TPCN2: variants seen among roughly 807,000 people sequenced by gnomAD.
TPCN2 encodes two pore channel protein 2.
A neutral mutation model predicts 111.4 loss-of-function variants in TPCN2; 92 were observed. That is an observed-to-expected ratio of 0.83 (90% confidence interval 0.70 to 0.98). TPCN2 has a LOEUF of 0.98. Among genes scored for constraint, TPCN2 ranks in the 50% least tolerant of loss-of-function variants. TPCN2 has a pLI of 0.00. For synonymous variants in TPCN2, 405 were observed against 414.5 expected (o/e 0.98, Z 0.28); for missense variants, 995 against 980.1 (o/e 1.02, Z -0.20).
In TPCN2 at chr11:69,078,742, G is replaced by A. The variant is rs771772383; in HGVS notation, c.1359G>A (p.Leu453=). 2.5e-6 allele frequency: 4 copies of A among 1,613,964 alleles called. No individual in the cohort carries two copies. The highest frequency in any genetic ancestry group is 3.4e-6 in the Non-Finnish European group (4 of 1,180,032). Residue 453 remains leucine (L), a synonymous_variant, in exon 15 of 25, where the codon CTG becomes CTA. Transcript: ENST00000294309. ...CTGTTCTGGCGTTGCAGGTGTTCCTGGTGCTGGATGCAGATGTGCTGCCTG... is the reference window on the plus strand; with the variant it reads ...CTGTTCTGGCGTTGCAGGTGTTCCTAGTGCTGGATGCAGATGTGCTGCCTG... ...LANLVSICVF[L]VLDADVLPAE...
At chr11:69,081,520 C>G (rs762928571) in intron 18 of TPCN2, 21 bp downstream of exon 18, 3 of 1,511,910 alleles carry the variant, frequency 2.0e-6, no homozygotes, top group South Asian at 1.2e-5. Context: ...GCCCCACCCC[C>G]ACTCGCCCCA....
chr11:69,062,389 G>A (rs780268961), intron 5 of TPCN2, among the ~76,000 whole-genome samples: 9 of 152,108 alleles, frequency 5.9e-5, no homozygotes, highest in Admixed American at 1.3e-4. Flanking sequence ...TGAGTGTGGG[G>A]GTGTGGAGGT....
At chr11:69,050,007 G>A (rs1334921631) in intron 1 of TPCN2, among the ~76,000 whole-genome samples, 1 of 152,206 alleles carries the variant, frequency 6.6e-6, no homozygotes, top group African/African-American at 2.4e-5. Context: ...TCCCTCTCTG[G>A]CCTCTCTTTC....
At chr11:69,056,959 T>A (rs1250475890) in intron 4 of TPCN2, among the ~76,000 whole-genome samples, 1 of 152,138 alleles carries the variant, frequency 6.6e-6, no homozygotes, top group African/African-American at 2.4e-5. Context: ...TGCCTCAGCC[T>A]CCCAAGTAGC....
chr11:69,057,590 G>A lies in TPCN2; in HGVS notation c.442G>A (p.Gly148Arg), dbSNP rs148360443. 8.7e-6 allele frequency: 14 copies of A among 1,614,052 alleles called. No homozygotes were observed. The highest frequency in any genetic ancestry group is 4.0e-5 in the African/African-American group (3 of 74,940). ...GTCTATCTTGCAGGGTTACCTGTTC[G>A]GGTGGGCCCATTTCCAGAAAAACCT... ...ADLSVKGYLFGWAHFQKNLWL... is the reference protein window; with the variant it reads ...ADLSVKGYLFRWAHFQKNLWL... Residue 148 changes from glycine (G) to arginine (R), a missense_variant, in exon 5 of 25, where the codon GGG (glycine) becomes AGG (arginine). Gly to Arg is a moderately radical substitution (Grantham distance 125). Transcript: ENST00000294309.
chr11:69,074,493 G>A (rs2134598385), intron 13 of TPCN2, among the ~76,000 whole-genome samples: 1 of 152,340 alleles, frequency 6.6e-6, no homozygotes, highest in Non-Finnish European at 1.5e-5. Flanking sequence ...CAGAAACTGT[G>A]GAGATGGTCC....
chr11:69,087,011 C>G (rs1036140884), intron 23 of TPCN2, 101 bp from the exon 24 acceptor site: 7 of 983,756 alleles, frequency 7.1e-6, no homozygotes, highest in Admixed American at 2.0e-5. Flanking sequence ...GCTCAGCCCC[C>G]TCAGCGGGTG....
chr11:69,077,342 T>C (rs56193760), intron 13 of TPCN2, among the ~76,000 whole-genome samples: 155 of 8,400 alleles, frequency 0.018, 6 homozygotes, highest in African/African-American at 0.026. Flanking sequence ...CTGTGTCCCT[T>C]CACCTGCCCT....
At chr11:69,070,848 G>C (rs1855495148) in intron 9 of TPCN2, among the ~76,000 whole-genome samples, 1 of 142,544 alleles carries the variant, frequency 7.0e-6, no homozygotes, top group Non-Finnish European at 1.5e-5. Context: ...TTCACCCCAG[G>C]GATCCCTCAC....
At position 69,049,111 on chromosome 11, in the gene TPCN2, G is replaced by C; in HGVS notation, c.109+5G>C. ...GCAGCATCCAAGTCGGCCCTGGTGA[G>C]CCGCCCGGACCTGGGGAGGGGACTG... On this transcript the variant is annotated splice_donor_5th_base_variant and intron_variant, in intron 1 of 24. Transcript: ENST00000294309. The C allele has an allele frequency of 8.1e-7, 1 of 1,240,274 alleles. No homozygotes were observed. Among genetic ancestry groups the C allele is most frequent in the Non-Finnish European group, 1.0e-6 (1 of 986,706 alleles). 76.8% of individuals were successfully genotyped at this position (1,240,274 alleles called of 1,614,324 possible).
At chr11:69,084,679 A>G in intron 19 of TPCN2, 4 of 985,412 alleles carry the variant, frequency 4.1e-6, no homozygotes, top group Non-Finnish European at 4.8e-6. Context: ...ACCTTGACGT[A>G]GGGACCACTG....
Position 69,078,429 on chromosome 11 carries a change from C to T in TPCN2, c.1231-53C>T, listed in dbSNP as rs1799976394. On this transcript the variant is annotated intron_variant, in intron 13 of 24. Transcript: ENST00000294309. ...AGAGGGTGTGAGCATTTTTGGGCTG[C>T]AACAGCCACGGCTGCTGGCCTGTGC... 4.4e-6 allele frequency: 7 copies of T among 1,602,424 alleles called. No homozygotes were observed. The South Asian group carries it at 4.4e-5, about 10-fold the overall frequency.
chr11:69,081,358 C>T (rs1856001358), intron 17 of TPCN2, 42 bp from the exon 18 acceptor site: 4 of 1,403,402 alleles, frequency 2.9e-6, no homozygotes, highest in Non-Finnish European at 3.9e-6. Flanking sequence ...CCCTGTGGGG[C>T]TCCTGGGCTC....
At chr11:69,083,021 G>A (rs924863316) in intron 18 of TPCN2, among the ~76,000 whole-genome samples, 12 of 140,634 alleles carry the variant, frequency 8.5e-5, no homozygotes, top group Admixed American at 3.0e-4. Flanking sequence ...TGCACACATC[G>A]CATGCAGATA....
chr11:69,074,601 C>G (rs1025908514), intron 13 of TPCN2, among the ~76,000 whole-genome samples: 2 of 152,098 alleles, frequency 1.3e-5, no homozygotes, highest in Non-Finnish European at 2.9e-5. Flanking sequence ...TAGCGGCTGT[C>G]GTAGGCTAGG....
At chr11:69,079,452 T>A (rs575923481) in intron 16 of TPCN2, 91 of 279,966 alleles carry the variant, frequency 3.3e-4, no homozygotes, top group African/African-American at 1.7e-3. Context: ...CCAGTGGGAG[T>A]GAGGGCATGC....
intron 2 of TPCN2, 34 bp from the exon 3 acceptor site, chr11:69,054,687 C>T (rs1210461973): frequency 1.9e-6 from 3 of 1,601,202 alleles, no homozygotes; most frequent in Non-Finnish European, 1.7e-6. Context: ...CTGCATGCAC[C>T]CATGTCATGC....
chr11:69,061,802 G>A (rs1166229099), intron 5 of TPCN2, among the ~76,000 whole-genome samples: 1 of 152,126 alleles, frequency 6.6e-6, no homozygotes, highest in African/African-American at 2.4e-5. Flanking sequence ...TGGGGCAGAA[G>A]GTGGTGATTG....
chr11:69,081,549 C>T, intron 18 of TPCN2, 50 bp downstream of exon 18: 2 of 1,390,500 alleles, frequency 1.4e-6, no homozygotes, highest in Non-Finnish European at 9.8e-7. Context: ...GGTCATGCTG[C>T]TGCGTTGCTC....
Sources: allele counts gnomAD v4.1 joint callset (sites outside exome capture counted in the v4.1 genomes callset), GRCh38; gene constraint gnomAD v4.1.1; transcripts MANE v1.5; gene names NCBI Gene and HGNC (gene_info 2026-07-23, HGNC 2026-07-21).